Variants in CDH13 observed in about 807,000 individuals in gnomAD.
The protein encoded by CDH13 is cadherin 13.
Under a neutral mutation model 63.8 loss-of-function variants are expected in CDH13, and 24 were observed. The observed-to-expected ratio is 0.38, with a 90% CI of 0.27 to 0.53. The LOEUF is 0.53. Ranked by LOEUF, CDH13 falls within the 20% of genes least tolerant of loss-of-function variation. CDH13 has a pLI of 0.85. For missense variants in CDH13, 1,049 were observed against 903.1 expected, an observed-to-expected ratio of 1.16 and a Z score of -2.07; for synonymous variants, 503 against 355.3, an observed-to-expected ratio of 1.42 and a Z score of -4.67.
chr16:83,589,732 G>T lies in CDH13; in HGVS notation c.961-12722G>T, dbSNP rs951577369. Among the ~76,000 whole-genome samples, 131 of 152,216 alleles carry T rather than the reference G, an allele frequency of 8.6e-4. 4 individuals carry two copies. Among genetic ancestry groups the T allele is most frequent in the East Asian group, 7.8e-4 (4 of 5,140 alleles). ...TAATCACAGGACGGACGTGTGAAGG[G>T]AAAATTGCTATACAGTGTCATTATC... On this transcript the variant is annotated intron_variant, in intron 7 of 13. Coordinates refer to ENST00000567109, the MANE Select transcript of CDH13 (RefSeq NM_001257.5).
In CDH13 at chr16:83,061,604, A is replaced by T. The variant is rs769176078; in HGVS notation, c.366+29386A>T. Among the ~76,000 whole-genome samples, 3 of 152,278 alleles carry T rather than the reference A, an allele frequency of 2.0e-5. No individual in the cohort carries two copies. The South Asian group carries it at 6.2e-4, about 32-fold the overall frequency. ...AGCAGCAGAGGATTCAGGGCACCCAATGCAAAATTGTCACCAAATGACTGT... is the reference window on the plus strand; with the variant it reads ...AGCAGCAGAGGATTCAGGGCACCCATTGCAAAATTGTCACCAAATGACTGT... On this transcript the variant is annotated intron_variant, in intron 3 of 13. Transcript: ENST00000567109.
At chr16:83,467,166 C>T (rs886788246) in intron 6 of CDH13, among the ~76,000 whole-genome samples, 1 of 152,324 alleles carries the variant, frequency 6.6e-6, no homozygotes, top group South Asian at 2.1e-4. Context: ...CCCCGGCTCT[C>T]AGTAAACTCA....
intron 5 of CDH13, among the ~76,000 whole-genome samples, chr16:83,302,662 A>G (rs763798255): frequency 3.0e-4 from 46 of 152,216 alleles, no homozygotes; most frequent in Non-Finnish European, 5.3e-4. Flanking sequence ...TCCTGCTTTT[A>G]AGGAGCTCAT....
intron 4 of CDH13, among the ~76,000 whole-genome samples, chr16:83,131,401 G>C (rs1290171790): frequency 6.6e-6 from 1 of 152,128 alleles, no homozygotes; most frequent in Non-Finnish European, 1.5e-5. Flanking sequence ...TTGAACTCTA[G>C]ACAGCAGGGA....
At chr16:82,865,956 C>G (rs61309698) in intron 2 of CDH13, among the ~76,000 whole-genome samples, 3 of 151,976 alleles carry the variant, frequency 2.0e-5, no homozygotes, top group Non-Finnish European at 4.4e-5. Context: ...CATGCTTGAA[C>G]ACTTTGCTGC....
At chr16:83,679,217 A>G (rs1024882275) in intron 10 of CDH13, among the ~76,000 whole-genome samples, 1 of 152,250 alleles carries the variant, frequency 6.6e-6, no homozygotes, top group African/African-American at 2.4e-5. Context: ...CCCGTGGTGC[A>G]TCTAATGCTC....
intron 1 of CDH13, among the ~76,000 whole-genome samples, chr16:82,795,331 G>A (rs1183066852): frequency 6.6e-6 from 1 of 152,170 alleles, no homozygotes; most frequent in Non-Finnish European, 1.5e-5. Flanking sequence ...TTAATACAGA[G>A]ACCACATTCT....
chr16:83,368,197 C>A (rs2091290543), intron 6 of CDH13, among the ~76,000 whole-genome samples: 1 of 152,146 alleles, frequency 6.6e-6, no homozygotes, highest in Non-Finnish European at 1.5e-5. Context: ...TTTATTTGCT[C>A]AAATCTCGTA....
intron 5 of CDH13, among the ~76,000 whole-genome samples, chr16:83,257,435 G>C (rs966336808): frequency 5.3e-5 from 8 of 152,138 alleles, no homozygotes; most frequent in Admixed American, 5.2e-4. Flanking sequence ...TCTCCGCTCA[G>C]CTTTTAGGTT....
intron 2 of CDH13, among the ~76,000 whole-genome samples, chr16:83,011,537 GCTGT>G (rs1199975131): frequency 1.3e-5 from 2 of 152,224 alleles, no homozygotes; most frequent in East Asian, 3.9e-4. Context: ...TGCTTGAAAG[GCTGT>G]CTCTTTCCCC....
intron 2 of CDH13, among the ~76,000 whole-genome samples, chr16:82,956,345 T>C (rs1906097474): frequency 6.6e-6 from 1 of 151,232 alleles, no homozygotes; most frequent in Admixed American, 6.6e-5. Context: ...TTATTCCTAA[T>C]TCTAGTCTTT....
intron 1 of CDH13, among the ~76,000 whole-genome samples, chr16:82,836,724 A>G (rs1218599309): frequency 1.3e-5 from 2 of 152,106 alleles, no homozygotes; most frequent in Non-Finnish European, 2.9e-5. Flanking sequence ...TCTGTGGTAC[A>G]CCTGGGCTCA....
chr16:82,791,664 G>A (rs1330146636), intron 1 of CDH13, among the ~76,000 whole-genome samples: 1 of 152,176 alleles, frequency 6.6e-6, no homozygotes, highest in African/African-American at 2.4e-5. Flanking sequence ...ATCCAGCAGG[G>A]TGTCCACTGT....
intron 6 of CDH13, among the ~76,000 whole-genome samples, chr16:83,479,826 T>G (rs1185636967): frequency 1.3e-5 from 2 of 152,242 alleles, no homozygotes; most frequent in Non-Finnish European, 2.9e-5. Context: ...TACAATGGCT[T>G]GTGCCCTGCA....
intron 6 of CDH13, among the ~76,000 whole-genome samples, chr16:83,374,599 T>C (rs76390957): frequency 6.6e-6 from 1 of 152,160 alleles, no homozygotes. Flanking sequence ...CGTACCCACT[T>C]CAGGATATGA....
chr16:82,864,174 C>T (rs752863180), intron 2 of CDH13, among the ~76,000 whole-genome samples: 36 of 152,126 alleles, frequency 2.4e-4, no homozygotes, highest in Non-Finnish European at 4.0e-4. Flanking sequence ...CTTCACTTTT[C>T]TGATACTTTT....
chr16:82,709,697 T>G (rs2031765752), intron 1 of CDH13, among the ~76,000 whole-genome samples: 1 of 152,192 alleles, frequency 6.6e-6, no homozygotes, highest in African/African-American at 2.4e-5. Context: ...TTGGAGGAGC[T>G]TAGCTTGTTT....
At chr16:83,787,303 T>C (rs1468371115) in intron 13 of CDH13, among the ~76,000 whole-genome samples, 3 of 144,184 alleles carry the variant, frequency 2.1e-5, no homozygotes, top group South Asian at 2.1e-4. Context: ...TTCATCTTTA[T>C]TGTTTGTTTG....
At position 83,500,211 on chromosome 16, in the gene CDH13, C is replaced by T. The variant is rs558910023; in HGVS notation, c.960+13556C>T. Reference sequence around the variant, plus strand: ...CAAGCAACACTATCACATTTGAATTCAGACACTAGTTTCTTTCTTCTCCTT... The same window carrying T: ...CAAGCAACACTATCACATTTGAATTTAGACACTAGTTTCTTTCTTCTCCTT... On this transcript the variant is annotated intron_variant, in intron 7 of 13. Transcript: ENST00000567109. 9.7e-4 allele frequency among the ~76,000 whole-genome samples: 145 copies of T among 149,010 alleles called. 6 individuals carry two copies. Among genetic ancestry groups the T allele is most frequent in the African/African-American group, 3.6e-3 (141 of 39,618 alleles).
Sources: gnomAD v4.1 joint callset for allele counts (sites outside exome capture counted in the v4.1 genomes callset) on GRCh38, gnomAD v4.1.1 for gene constraint, MANE v1.5 for transcripts, NCBI Gene and HGNC (gene_info 2026-07-23, HGNC 2026-07-21) for gene names.